The following ANKRD30BL variants were observed in gnomAD, a reference collection of about 807,000 sequenced individuals.
ANKRD30BL encodes putative ankyrin repeat domain-containing protein 30B-like.
Under a neutral mutation model 18.4 loss-of-function variants are expected in ANKRD30BL, and 20 were observed. The ratio of observed to expected loss-of-function variants is 1.09; its 90% CI spans 0.77 to 1.58. The LOEUF (loss-of-function observed/expected upper bound fraction) is 1.58, where lower values mean the gene tolerates loss of function less well. Among genes scored for constraint, ANKRD30BL ranks in the 40% most tolerant of loss-of-function variants. The pLI is 0.00. For missense variants in ANKRD30BL, 224 were observed against 268.6 expected (o/e 0.83, Z 1.16); for synonymous variants, 72 against 100.9 (o/e 0.71, Z 1.72).
chr2:132,200,177 A>G (rs1573834902), intron 1 of ANKRD30BL, among the ~76,000 whole-genome samples: 1 of 151,972 alleles, frequency 6.6e-6, no homozygotes, highest in East Asian at 1.9e-4. Flanking sequence ...ACAAACCCAC[A>G]GCCAATATCA....
At chr2:132,225,779 T>C (rs532733513) in intron 1 of ANKRD30BL, among the ~76,000 whole-genome samples, 1 of 152,266 alleles carries the variant, frequency 6.6e-6, no homozygotes, top group South Asian at 2.1e-4. Context: ...TTTTGTAGAA[T>C]CTGCAAGTGG....
At chr2:132,193,327 T>C (rs1361536045) in intron 1 of ANKRD30BL, among the ~76,000 whole-genome samples, 1 of 151,258 alleles carries the variant, frequency 6.6e-6, no homozygotes, top group Non-Finnish European at 1.5e-5. Flanking sequence ...AAATCAATAA[T>C]GAGACTCTTA....
chr2:132,149,363 C>T (rs1338686512), intron 5 of ANKRD30BL, among the ~76,000 whole-genome samples: 1 of 152,132 alleles, frequency 6.6e-6, no homozygotes, highest in East Asian at 1.9e-4. Flanking sequence ...GATAGAACAA[C>T]ACATCTTGTT....
chr2:132,151,615 C>A (rs1255542875), intron 4 of ANKRD30BL, among the ~76,000 whole-genome samples: 18 of 143,742 alleles, frequency 1.3e-4, no homozygotes, highest in Admixed American at 2.1e-4. Flanking sequence ...AATTAAATTA[C>A]AAAAAAAAAA....
chr2:132,206,167 AAAGAG>A (rs1006095163), intron 1 of ANKRD30BL, among the ~76,000 whole-genome samples: 6 of 152,196 alleles, frequency 3.9e-5, no homozygotes, highest in East Asian at 1.9e-4. Context: ...AGAGAAAAGA[AAAGAG>A]AAGAGAAGAA....
intron 1 of ANKRD30BL, among the ~76,000 whole-genome samples, chr2:132,226,606 G>A (rs372985047): frequency 1.3e-5 from 2 of 151,928 alleles, no homozygotes; most frequent in African/African-American, 4.8e-5. Context: ...CCTTTCTTTT[G>A]ATTGAGCAGT....
intron 1 of ANKRD30BL, among the ~76,000 whole-genome samples, chr2:132,235,140 C>A (rs368414907): frequency 3.3e-5 from 5 of 152,166 alleles, no homozygotes; most frequent in Non-Finnish European, 5.9e-5. Context: ...TTCAACAACA[C>A]TTCATGCTAA....
chr2:132,174,762 T>C (rs1688333124), intron 1 of ANKRD30BL, among the ~76,000 whole-genome samples: 1 of 152,210 alleles, frequency 6.6e-6, no homozygotes, highest in African/African-American at 2.4e-5. Context: ...TTATATGCCA[T>C]TGTCAATAAG....
chr2:132,233,681 T>C (rs1336929767), intron 1 of ANKRD30BL, among the ~76,000 whole-genome samples: 75 of 149,666 alleles, frequency 5.0e-4, no homozygotes, highest in Middle Eastern at 6.9e-3. Context: ...CCCAGATTCA[T>C]AAAGCAAGTC....
At chr2:132,228,098 A>G (rs1001959245) in intron 1 of ANKRD30BL, among the ~76,000 whole-genome samples, 16 of 152,248 alleles carry the variant, frequency 1.1e-4, no homozygotes, top group Non-Finnish European at 1.6e-4. Context: ...ATCTTCACAT[A>G]GAAACTAGAC....
intron 1 of ANKRD30BL, among the ~76,000 whole-genome samples, chr2:132,200,655 A>G (rs1217357009): frequency 6.6e-6 from 1 of 152,218 alleles, no homozygotes; most frequent in African/African-American, 2.4e-5. Context: ...GGATACAAAC[A>G]AATGGAAGAA....
chr2:132,175,710 C>T (rs575961791), intron 1 of ANKRD30BL, among the ~76,000 whole-genome samples: 117 of 152,230 alleles, frequency 7.7e-4, no homozygotes, highest in Non-Finnish European at 5.6e-4. Context: ...GCAGAGGTCC[C>T]TGCGGCTTTC....
chr2:132,239,988 A>G (rs914122604), intron 1 of ANKRD30BL, among the ~76,000 whole-genome samples: 1 of 151,250 alleles, frequency 6.6e-6, no homozygotes, highest in African/African-American at 2.4e-5. Flanking sequence ...ATCTTCACAT[A>G]AAACTAGACA....
intron 1 of ANKRD30BL, among the ~76,000 whole-genome samples, chr2:132,227,696 C>T (rs1230765072): frequency 1.3e-5 from 2 of 152,020 alleles, no homozygotes; most frequent in Non-Finnish European, 2.9e-5. Flanking sequence ...CGCTTTTGGG[C>T]CTATAGTGGA....
intron 1 of ANKRD30BL, among the ~76,000 whole-genome samples, chr2:132,238,876 G>A (rs1282179574): frequency 6.6e-6 from 1 of 152,028 alleles, no homozygotes; most frequent in African/African-American, 2.4e-5. Context: ...CCTTCATTGA[G>A]CATTTTTGAA....
intron 1 of ANKRD30BL, among the ~76,000 whole-genome samples, chr2:132,226,669 G>A (rs548705107): frequency 5.7e-4 from 86 of 151,592 alleles, no homozygotes; most frequent in African/African-American, 2.1e-3. Flanking sequence ...TGTGCTTTGA[G>A]GCCTATGGTG....
intron 1 of ANKRD30BL, among the ~76,000 whole-genome samples, chr2:132,232,393 T>C (rs1045819662): frequency 6.6e-6 from 1 of 152,092 alleles, no homozygotes; most frequent in Non-Finnish European, 1.5e-5. Context: ...CTCTGAGCTA[T>C]GGGAGGACAT....
At chr2:132,164,452 A>G (rs1688151144), upstream of ANKRD30BL, among the ~76,000 whole-genome samples, 1 of 151,054 alleles carries the variant, frequency 6.6e-6, no homozygotes, top group African/African-American at 2.4e-5. Flanking sequence ...CATCATGCCC[A>G]GCTAATTTTT....
intron 1 of ANKRD30BL, among the ~76,000 whole-genome samples, chr2:132,236,820 G>A (rs1422373446): frequency 6.6e-6 from 1 of 151,790 alleles, no homozygotes; most frequent in Non-Finnish European, 1.5e-5. Context: ...AAAGACACAT[G>A]CACACGTATG....
Sources: allele counts gnomAD v4.1 joint callset (sites outside exome capture counted in the v4.1 genomes callset), GRCh38; gene constraint gnomAD v4.1.1; transcripts MANE v1.5; gene names NCBI Gene and HGNC (gene_info 2026-07-23, HGNC 2026-07-21).